Variants in MITF observed in about 807,000 individuals in gnomAD.
MITF encodes microphthalmia-associated transcription factor.
Under a neutral mutation model 60.5 loss-of-function variants are expected in MITF, and 17 were observed. The observed-to-expected ratio is 0.28, with a 90% CI of 0.19 to 0.42. The LOEUF is 0.42. MITF is among the 10% of genes least tolerant of loss of function. The probability of loss-of-function intolerance (pLI) is 1.00; values close to 1 mark genes in which losing one functional copy is unlikely to be tolerated. For missense variants in MITF, 622 were observed against 683.5 expected (o/e 0.91, Z 1.00); for synonymous variants, 260 against 248.5 (o/e 1.05, Z -0.43).
intron 1 of MITF, among the ~76,000 whole-genome samples, chr3:69,838,894 G>T (rs1235933204): frequency 6.6e-6 from 1 of 152,188 alleles, no homozygotes; most frequent in East Asian, 1.9e-4. Flanking sequence ...TGTAAGTTCT[G>T]TGGCTGAAGT....
At position 69,953,692 on chromosome 3, in the gene MITF, GAGAC is replaced by G. The variant is rs2066324543; in HGVS notation, c.955+1810_955+1813del. 7.4e-5 allele frequency among the ~76,000 whole-genome samples: 11 copies of G among 149,066 alleles called. No individual in the cohort carries two copies. In the South Asian group the frequency reaches 1.9e-3, roughly 26 times the overall value. On this transcript the variant is annotated intron_variant, in intron 7 of 9. Coordinates refer to ENST00000352241, the MANE Select transcript of MITF (RefSeq NM_001354604.2). ...AGAGAGAGAGAGAGAGAGAGAGACA[GAGAC>G]AGAGACAGAGACAGAGAAAGAAAGA...
At chr3:69,909,932 A>G (rs985985783) in intron 2 of MITF, among the ~76,000 whole-genome samples, 1 of 152,228 alleles carries the variant, frequency 6.6e-6, no homozygotes, top group Non-Finnish European at 1.5e-5. Context: ...AGAAATTTGC[A>G]TAAGTAGCAA....
At chr3:69,895,784 C>A (rs1264935713) in intron 2 of MITF, among the ~76,000 whole-genome samples, 2 of 148,696 alleles carry the variant, frequency 1.3e-5, no homozygotes, top group South Asian at 2.2e-4. Flanking sequence ...TTAATTCATT[C>A]CTTAAGAGAG....
intron 1 of MITF, among the ~76,000 whole-genome samples, chr3:69,828,247 A>C (rs2107082950): frequency 6.6e-6 from 1 of 152,308 alleles, no homozygotes; most frequent in South Asian, 2.1e-4. Context: ...TTATGTGTAC[A>C]TAGTTTCAAA....
At chr3:69,756,306 C>A (rs1704145670) in intron 1 of MITF, among the ~76,000 whole-genome samples, 1 of 152,086 alleles carries the variant, frequency 6.6e-6, no homozygotes, top group East Asian at 1.9e-4. Flanking sequence ...CCGACAGGCC[C>A]TGGTGTGTGA....
intron 1 of MITF, among the ~76,000 whole-genome samples, chr3:69,786,348 T>TA (rs2062648740): frequency 6.6e-6 from 1 of 152,190 alleles, no homozygotes. Flanking sequence ...TCTGTCTGCT[T>TA]TACGGGATTG....
Position 69,951,421 on chromosome 3 carries a change from A to T in MITF, c.881-391A>T, listed in dbSNP as rs577024159. Reference sequence around the variant, plus strand: ...ATCAGCACGTTACACAGGCATCAAAAAAGGATTGAAAGCTTCTATGGCCTG... The same window carrying T: ...ATCAGCACGTTACACAGGCATCAAATAAGGATTGAAAGCTTCTATGGCCTG... On this transcript the variant is annotated intron_variant, in intron 6 of 9. Transcript: ENST00000352241. Among the ~76,000 whole-genome samples the T allele has an allele frequency of 9.2e-5, 14 of 152,244 alleles. No individual in the cohort carries two copies. In the Middle Eastern group the frequency reaches 0.01, roughly 111 times the overall value.
intron 1 of MITF, among the ~76,000 whole-genome samples, chr3:69,767,069 T>C (rs2062308239): frequency 6.6e-6 from 1 of 152,220 alleles, no homozygotes. Flanking sequence ...ACTTAATGAA[T>C]GGGTCTAGAC....
chr3:69,955,370 T>G (rs2107527820), intron 7 of MITF, among the ~76,000 whole-genome samples: 1 of 152,330 alleles, frequency 6.6e-6, no homozygotes, highest in South Asian at 2.1e-4. Context: ...AAAATGTTAA[T>G]TTCATGTCTT....
intron 1 of MITF, among the ~76,000 whole-genome samples, chr3:69,820,243 A>T (rs1177823721): frequency 2.6e-5 from 4 of 152,230 alleles, no homozygotes; most frequent in Non-Finnish European, 5.9e-5. Context: ...TGTGGCTACT[A>T]GAAAATTGAA....
chr3:69,902,813 A>T (rs1418281701), intron 2 of MITF, among the ~76,000 whole-genome samples: 1 of 151,914 alleles, frequency 6.6e-6, no homozygotes, highest in Non-Finnish European at 1.5e-5. Flanking sequence ...AGCCCATGAT[A>T]TTTAGGGAAG....
Position 69,963,189 on chromosome 3 carries a change from A to G in MITF, c.1180-1658A>G, listed in dbSNP as rs1315729797. The stretch of plus-strand genomic sequence containing the variant: ...ACATTCAAATGTTTTCCAGGACACA[A>G]TTTAGCCAATAATAGGAATGTATGT... On this transcript the variant is annotated intron_variant, in intron 9 of 9. Coordinates refer to ENST00000352241, the MANE Select transcript of MITF (RefSeq NM_001354604.2). Among the ~76,000 whole-genome samples the G allele has an allele frequency of 2.6e-5, 4 of 152,314 alleles. No individual in the cohort carries two copies. In the South Asian group the frequency reaches 8.3e-4, roughly 32 times the overall value.
At chr3:69,893,625 TAGA>T (rs2064809018) in intron 2 of MITF, among the ~76,000 whole-genome samples, 2 of 152,306 alleles carry the variant, frequency 1.3e-5, no homozygotes, top group East Asian at 3.9e-4. Flanking sequence ...GAGAAGTGAC[TAGA>T]AGGTTAATGC....
chr3:69,834,472 G>A (rs77565519), intron 1 of MITF, among the ~76,000 whole-genome samples: 32,186 of 152,052 alleles, frequency 0.21, 4,655 homozygotes, highest in Non-Finnish European at 0.3. Context: ...ATAGCCTCCA[G>A]TTTCATCCAT....
intron 1 of MITF, among the ~76,000 whole-genome samples, chr3:69,745,148 T>C (rs1333894125): frequency 1.3e-5 from 2 of 152,194 alleles, no homozygotes; most frequent in Non-Finnish European, 2.9e-5. Flanking sequence ...GAATATTAAC[T>C]CTATATTAAT....
intron 1 of MITF, among the ~76,000 whole-genome samples, chr3:69,876,911 A>AT (rs2064366907): frequency 6.6e-6 from 1 of 152,214 alleles, no homozygotes; most frequent in African/African-American, 2.4e-5. Flanking sequence ...AAAAAATACT[A>AT]TGACTTCTTT....
chr3:69,812,800 T>G (rs950149802), intron 1 of MITF, among the ~76,000 whole-genome samples: 2 of 152,178 alleles, frequency 1.3e-5, no homozygotes, highest in East Asian at 1.9e-4. Context: ...TTGGCCTTCT[T>G]GTCCTCACTT....
At chr3:69,926,769 A>G (rs1318296633) in intron 2 of MITF, among the ~76,000 whole-genome samples, 1 of 152,218 alleles carries the variant, frequency 6.6e-6, no homozygotes, top group Non-Finnish European at 1.5e-5. Context: ...CAAATATTAT[A>G]CAAATGCAAA....
At chr3:69,936,952 T>C (rs2107475195) in intron 2 of MITF, 2 of 413,776 alleles carry the variant, frequency 4.8e-6, no homozygotes, top group East Asian at 8.0e-5. Flanking sequence ...GGATTCTTTT[T>C]TTTTTTTTTT....
Sources: gnomAD v4.1 joint callset for allele counts (sites outside exome capture counted in the v4.1 genomes callset) on GRCh38, gnomAD v4.1.1 for gene constraint, MANE v1.5 for transcripts, NCBI Gene and HGNC (gene_info 2026-07-23, HGNC 2026-07-21) for gene names.